Variants in CENPE observed in about 807,000 individuals in gnomAD.
CENPE encodes centromere-associated protein E.
In CENPE, 145 loss-of-function variants were observed where a neutral mutation model predicts 336.1. The ratio of observed to expected loss-of-function variants is 0.43; its 90% CI spans 0.38 to 0.50. CENPE has a LOEUF of 0.50. CENPE is among the 20% of genes least tolerant of loss of function. The probability of loss-of-function intolerance (pLI) is 0.00; values close to 1 mark genes in which losing one functional copy is unlikely to be tolerated. For synonymous variants in CENPE, 1,013 were observed against 984.8 expected, an observed-to-expected ratio of 1.03 and a Z score of -0.54; for missense variants, 2,719 against 3,023.3, an observed-to-expected ratio of 0.90 and a Z score of 2.36.
chr4:103,140,171 C>G, intron 37 of CENPE, 85 bp downstream of exon 37: 1 of 1,445,498 alleles, frequency 6.9e-7, no homozygotes, highest in Non-Finnish European at 9.4e-7. Context: ...ACATATCTAT[C>G]TACATATCTG....
chr4:103,172,166 T>C (rs966560471), intron 16 of CENPE, among the ~76,000 whole-genome samples: 3 of 151,832 alleles, frequency 2.0e-5, no homozygotes, highest in African/African-American at 7.2e-5. Context: ...AGGAAAACTA[T>C]AGGCCAATAT....
chr4:103,106,838 C>A (rs1019402712), intron 48 of CENPE, among the ~76,000 whole-genome samples: 1 of 151,918 alleles, frequency 6.6e-6, no homozygotes, highest in Non-Finnish European at 1.5e-5. Context: ...ATTTAGATTA[C>A]CTTTTATAAT....
intron 42 of CENPE, among the ~76,000 whole-genome samples, chr4:103,128,184 A>G (rs1751291710): frequency 6.6e-6 from 1 of 152,228 alleles, no homozygotes; most frequent in South Asian, 2.1e-4. Context: ...AAGGGACATT[A>G]CGTAGTGATA....
Position 103,133,742 on chromosome 4 carries a change from C to T in CENPE, c.6673G>A (p.Glu2225Lys). 1 of 1,610,624 alleles carries T rather than the reference C, an allele frequency of 6.2e-7. No individual in the cohort carries two copies. Among genetic ancestry groups the T allele is most frequent in the Non-Finnish European group, 8.5e-7 (1 of 1,178,414 alleles). The change falls in exon 41 of 49, where the codon GAA becomes AAA. Residue 2225 changes from glutamate (E) to lysine (K), a missense_variant. Glu to Lys is a moderately conservative substitution (Grantham distance 56). Around this residue, in one of 5 missense-constraint regions of CENPE, gnomAD observed 2,437 missense variants for 2,513.3 expected, o/e 0.97. Transcript: ENST00000265148. The stretch of plus-strand genomic sequence containing the variant: ...TGGTTCAATTTGAGATCCCTTAATT[C>T]TCTGGATGGTACATCACAATCTTGT... Reference protein sequence around the residue: ...LQQDCDVPSRELRDLKLNQNM... With the variant: ...LQQDCDVPSRKLRDLKLNQNM...
intron 11 of CENPE, among the ~76,000 whole-genome samples, chr4:103,182,168 C>T (rs933008679): frequency 3.3e-5 from 5 of 151,706 alleles, no homozygotes; most frequent in East Asian, 1.9e-4. Context: ...CTCGGCTCAC[C>T]GCAACCTCTG....
intron 8 of CENPE, among the ~76,000 whole-genome samples, chr4:103,193,631 C>T (rs1487205955): frequency 1.3e-5 from 2 of 152,030 alleles, no homozygotes; most frequent in Non-Finnish European, 2.9e-5. Context: ...GGAATGTTTG[C>T]ATAATGCATA....
At chr4:103,160,594 A>G in intron 21 of CENPE, 31 bp downstream of exon 21, 1 of 1,556,006 alleles carries the variant, frequency 6.4e-7, no homozygotes, top group Non-Finnish European at 8.6e-7. Context: ...TTATTTCAAA[A>G]TAAGGGATAA....
In CENPE at chr4:103,120,336, A is replaced by G. The variant is rs752342082; in HGVS notation, c.7144-3T>C. 12 of 1,604,884 alleles carry G rather than the reference A, an allele frequency of 7.5e-6. No individual in the cohort carries two copies. Among genetic ancestry groups the G allele is most frequent in the South Asian group, 6.8e-5 (6 of 88,432 alleles). On this transcript the variant is annotated splice_region_variant and splice_polypyrimidine_tract_variant and intron_variant, in intron 43 of 48. Transcript: ENST00000265148. Reference sequence around the variant, plus strand: ...GAATTTTCCAGCTCTCGAATTTTCTATTAGAAAAAGCACACATTCATAAGC... The same window carrying G: ...GAATTTTCCAGCTCTCGAATTTTCTGTTAGAAAAAGCACACATTCATAAGC...
chr4:103,119,513 T>C (rs181496786), intron 44 of CENPE, among the ~76,000 whole-genome samples: 3 of 152,336 alleles, frequency 2.0e-5, no homozygotes, highest in East Asian at 3.9e-4. Context: ...TTTAGAACAA[T>C]GTTAAATAAT....
intron 47 of CENPE, 83 bp downstream of exon 47, chr4:103,110,745 C>T: frequency 1.9e-6 from 2 of 1,041,092 alleles, no homozygotes; most frequent in Non-Finnish European, 2.7e-6. Flanking sequence ...TTACCACCTG[C>T]AAAAAATACG....
chr4:103,108,923 A>T lies in CENPE; in HGVS notation c.7891T>A (p.Leu2631Ile). 1 of 1,613,912 alleles carries T rather than the reference A, an allele frequency of 6.2e-7. No homozygotes were observed. Among genetic ancestry groups the T allele is most frequent in the Non-Finnish European group, 8.5e-7 (1 of 1,179,874 alleles). ...GATTCCTTTGGCACAGGATCTTGTA[A>T]ATTCCGTTCCTTGCATTGAGAGGGT... ...ITPSQCKERNLQDPVPKESPK... is the reference protein window; with the variant it reads ...ITPSQCKERNIQDPVPKESPK... Residue 2631 changes from leucine to isoleucine, a missense_variant, in exon 48 of 49, where the codon TTA becomes ATA. By Grantham distance (5) the Leu-to-Ile change is conservative. Transcript: ENST00000265148.
At chr4:103,159,348 G>A in intron 21 of CENPE, 24 bp from the exon 22 acceptor site, 1 of 1,290,286 alleles carries the variant, frequency 7.8e-7, no homozygotes, top group Non-Finnish European at 1.0e-6. Flanking sequence ...ATAAAATTTA[G>A]GGATGTTAGC....
intron 24 of CENPE, among the ~76,000 whole-genome samples, chr4:103,154,875 T>A (rs1272104888): frequency 6.6e-6 from 1 of 152,164 alleles, no homozygotes; most frequent in African/African-American, 2.4e-5. Context: ...ACACATCAAG[T>A]AGGACTAAAA....
intron 2 of CENPE, 55 bp from the exon 3 acceptor site, chr4:103,196,307 G>T: frequency 7.8e-7 from 1 of 1,286,866 alleles, no homozygotes; most frequent in Non-Finnish European, 1.1e-6. Context: ...TGAGTCCACT[G>T]TGTTTTCATT....
chr4:103,195,172 G>C lies in CENPE; in HGVS notation c.419C>G (p.Thr140Arg). The change falls in exon 5 of 49, where the codon ACA becomes AGA. Residue 140 changes from threonine to arginine, a missense_variant. Physicochemically the swap from Thr to Arg is moderately conservative, Grantham distance 71. Transcript: ENST00000265148. The stretch of plus-strand genomic sequence containing the variant: ...TTTTTGAGTGCCACAGAGTAAATCT[G>C]TAATGGTTTCATTGTATATTTCCAT... ...SYMEIYNETI[T>R]DLLCGTQKMK... is the part of the protein sequence containing the mutation. The C allele has an allele frequency of 3.1e-6, 5 of 1,591,694 alleles. No individual in the cohort carries two copies. The highest frequency in any genetic ancestry group is 4.3e-6 in the Non-Finnish European group (5 of 1,171,730).
intron 21 of CENPE, among the ~76,000 whole-genome samples, chr4:103,159,667 AT>A (rs759759220): frequency 6.6e-6 from 1 of 151,818 alleles, no homozygotes; most frequent in Non-Finnish European, 1.5e-5. Context: ...AGAATTTGAC[AT>A]TTTTTTCCCT....
chr4:103,181,547 A>T (rs547752385), intron 11 of CENPE, 91 bp from the exon 12 acceptor site: 2 of 1,073,694 alleles, frequency 1.9e-6, no homozygotes, highest in South Asian at 3.3e-5. Context: ...ATTCAAGATT[A>T]AAAAAATCAA....
intron 16 of CENPE, among the ~76,000 whole-genome samples, chr4:103,165,470 T>A (rs956131844): frequency 3.9e-5 from 6 of 152,150 alleles, no homozygotes; most frequent in African/African-American, 1.4e-4. Flanking sequence ...GACAAAAGCT[T>A]TAGGAAAACC....
intron 43 of CENPE, 65 bp downstream of exon 43, chr4:103,122,806 T>A: frequency 4.2e-6 from 5 of 1,202,042 alleles, no homozygotes; most frequent in Non-Finnish European, 6.1e-6. Context: ...GTAAATACTA[T>A]AATTTTGCTC....
Sources: allele counts gnomAD v4.1 joint callset (sites outside exome capture counted in the v4.1 genomes callset), GRCh38; gene constraint gnomAD v4.1.1; regional missense constraint gnomAD v4.1.1; transcripts MANE v1.5; gene names NCBI Gene and HGNC (gene_info 2026-07-23, HGNC 2026-07-21).